CFAP299: variants seen among roughly 807,000 people sequenced by gnomAD.
CFAP299 encodes cilia and flagella associated protein 299, also known as cilia- and flagella-associated protein 299.
In CFAP299, 21 loss-of-function variants were observed where a neutral mutation model predicts 27.0. The ratio of observed to expected loss-of-function variants is 0.78; its 90% CI spans 0.55 to 1.12. CFAP299 has a LOEUF of 1.12. Ranked by LOEUF, CFAP299 falls within the 50% of genes most tolerant of loss-of-function variation. CFAP299 has a pLI of 0.00. For missense variants in CFAP299, 310 were observed against 276.6 expected (o/e 1.12, Z -0.86); for synonymous variants, 104 against 98.1 (o/e 1.06, Z -0.36).
In CFAP299 at chr4:80,545,383, A is replaced by G. The variant is rs187738025; in HGVS notation, c.243-37710A>G. Among the ~76,000 whole-genome samples the G allele has an allele frequency of 2.6e-5, 4 of 152,250 alleles. No homozygotes were observed. In the East Asian group the frequency reaches 7.7e-4, roughly 29 times the overall value. ...ATCTGAATGAAATTGAGATGGGAAA[A>G]TTCATACAAAAGATCAATGAAACTA... On this transcript the variant is annotated intron_variant, in intron 2 of 5. Transcript: ENST00000358105.
intron 3 of CFAP299, among the ~76,000 whole-genome samples, chr4:80,631,894 A>G (rs1039392335): frequency 8.3e-6 from 1 of 120,508 alleles, no homozygotes; most frequent in Non-Finnish European, 1.6e-5. Flanking sequence ...ATATGTTAAC[A>G]TTCTGACATC....
At chr4:80,892,094 C>T (rs1734336827) in intron 4 of CFAP299, among the ~76,000 whole-genome samples, 1 of 152,082 alleles carries the variant, frequency 6.6e-6, no homozygotes, top group African/African-American at 2.4e-5. Flanking sequence ...ATCACATTAT[C>T]TGACTTCAAA....
rs143793926 is a variant in CFAP299, at chr4:80,881,333, G to A, written c.476+11198G>A. ...AAGGGGCCTTATCTCCTGCAACTCA[G>A]AGTGCCCTCCATGGAGCCAGTTTCT... On this transcript the variant is annotated intron_variant, in intron 4 of 5. Coordinates refer to ENST00000358105, the MANE Select transcript of CFAP299 (RefSeq NM_152770.3). 3.3e-4 allele frequency among the ~76,000 whole-genome samples: 51 copies of A among 152,318 alleles called. 1 individual carries two copies. The highest frequency in any genetic ancestry group is 3.3e-3 in the Admixed American group (50 of 15,302).
At chr4:80,929,135 TCCCATCCAGTCTCTATGGCAATGCTA>T (rs1458105335) in intron 4 of CFAP299, among the ~76,000 whole-genome samples, 1 of 152,176 alleles carries the variant, frequency 6.6e-6, no homozygotes, top group South Asian at 2.1e-4. Context: ...TAGTATCAGT[TCCCATCCAGTCTCTATGGCAATGCTA>T]CCCATCCAGT....
intron 4 of CFAP299, among the ~76,000 whole-genome samples, chr4:80,902,594 C>CACAT (rs1560469905): frequency 2.8e-5 from 4 of 143,056 alleles, no homozygotes; most frequent in African/African-American, 1.1e-4. Flanking sequence ...TATACACACA[C>CACAT]ACACACACAC....
intron 3 of CFAP299, among the ~76,000 whole-genome samples, chr4:80,760,398 G>A (rs1246429905): frequency 3.9e-5 from 6 of 152,186 alleles, no homozygotes; most frequent in African/African-American, 9.6e-5. Flanking sequence ...AGACAAACTG[G>A]AGCCACCACC....
rs184260863 is a variant in CFAP299 at position 80,391,336 on chromosome 4, T to C, written c.242+28452T>C. On this transcript the variant is annotated intron_variant, in intron 2 of 5. Coordinates refer to ENST00000358105, the MANE Select transcript of CFAP299 (RefSeq NM_152770.3). Reference sequence around the variant, plus strand: ...CTATACCAATTTGTATTCCTACCAATAGTATGCAAGGATTCCCTTTTCTCC... The same window carrying C: ...CTATACCAATTTGTATTCCTACCAACAGTATGCAAGGATTCCCTTTTCTCC... Among the ~76,000 whole-genome samples the C allele has an allele frequency of 2.6e-4, 39 of 152,350 alleles. 1 individual carries two copies. The highest frequency in any genetic ancestry group is 8.2e-4 in the African/African-American group (34 of 41,582).
chr4:80,326,208 T>C, the CFAP299 span, among the ~76,000 whole-genome samples: 3 of 152,176 alleles, frequency 2.0e-5, no homozygotes, highest in Non-Finnish European at 4.4e-5. Flanking sequence ...ACTGTATCCT[T>C]GCATTTATTT....
intron 3 of CFAP299, among the ~76,000 whole-genome samples, chr4:80,784,463 C>T (rs928169360): frequency 6.6e-5 from 10 of 152,024 alleles, no homozygotes; most frequent in African/African-American, 1.7e-4. Flanking sequence ...AATGCCTTTT[C>T]ACGTACTTCT....
At chr4:80,412,186 C>T (rs1156893182) in intron 2 of CFAP299, among the ~76,000 whole-genome samples, 1 of 152,110 alleles carries the variant, frequency 6.6e-6, no homozygotes, top group African/African-American at 2.4e-5. Flanking sequence ...AGACCACTTG[C>T]CTATCCAAAC....
At chr4:80,632,214 G>A (rs1560667775) in intron 3 of CFAP299, among the ~76,000 whole-genome samples, 1 of 151,772 alleles carries the variant, frequency 6.6e-6, no homozygotes, top group Non-Finnish European at 1.5e-5. Flanking sequence ...AACATTTTCT[G>A]ATAAAAATAA....
At chr4:80,338,063 A>G (rs1456659508) in intron 1 of CFAP299, among the ~76,000 whole-genome samples, 1 of 152,172 alleles carries the variant, frequency 6.6e-6, no homozygotes, top group East Asian at 1.9e-4. Flanking sequence ...ATCATGGATC[A>G]TGCTAAGTGA....
At chr4:80,535,321 T>A (rs1460070158) in intron 2 of CFAP299, among the ~76,000 whole-genome samples, 2 of 151,778 alleles carry the variant, frequency 1.3e-5, no homozygotes, top group Non-Finnish European at 2.9e-5. Context: ...ATATTTAATT[T>A]CACACTAGAA....
intron 2 of CFAP299, among the ~76,000 whole-genome samples, chr4:80,441,250 T>C (rs1331543592): frequency 6.6e-6 from 1 of 152,014 alleles, no homozygotes; most frequent in African/African-American, 2.4e-5. Context: ...AGACACACAA[T>C]TGTTAGATTC....
At chr4:80,880,498 G>A (rs754127427) in intron 4 of CFAP299, among the ~76,000 whole-genome samples, 14 of 152,190 alleles carry the variant, frequency 9.2e-5, no homozygotes, top group Admixed American at 7.2e-4. Flanking sequence ...TTGGGAGGCC[G>A]AGGCGAGCAG....
intron 2 of CFAP299, among the ~76,000 whole-genome samples, chr4:80,544,994 T>C (rs1236541133): frequency 6.6e-6 from 1 of 152,056 alleles, no homozygotes; most frequent in African/African-American, 2.4e-5. Context: ...TAAAAACAAA[T>C]GAACTAATAT....
intron 2 of CFAP299, among the ~76,000 whole-genome samples, chr4:80,493,761 T>C (rs1324085450): frequency 3.5e-5 from 2 of 57,290 alleles, no homozygotes; most frequent in Non-Finnish European, 5.8e-5. Flanking sequence ...CTCATATTCT[T>C]TTTTTTTTTT....
At chr4:80,592,686 AT>A (rs1408329158) in intron 3 of CFAP299, among the ~76,000 whole-genome samples, 19 of 152,236 alleles carry the variant, frequency 1.2e-4, no homozygotes, top group Admixed American at 1.3e-4. Context: ...TTTAAAATTT[AT>A]GAAAATTATG....
chr4:80,541,988 T>G lies in CFAP299; in HGVS notation c.243-41105T>G, dbSNP rs1734015493. On this transcript the variant is annotated intron_variant, in intron 2 of 5. Coordinates refer to ENST00000358105, the MANE Select transcript of CFAP299 (RefSeq NM_152770.3). ...TATAATAATTAAAAAAAAAAAGGTA[T>G]CAAGGACAGAAGGCATATTCATAAG... is the stretch of plus-strand genomic sequence containing the variant. Among the ~76,000 whole-genome samples, 3 of 151,768 alleles carry G rather than the reference T, an allele frequency of 2.0e-5. No individual in the cohort carries two copies. In the South Asian group the frequency reaches 6.2e-4, roughly 32 times the overall value.
Sources: allele counts gnomAD v4.1 joint callset (sites outside exome capture counted in the v4.1 genomes callset), GRCh38; gene constraint gnomAD v4.1.1; transcripts MANE v1.5; gene names NCBI Gene and HGNC (gene_info 2026-07-23, HGNC 2026-07-21).